Variants in PPP2R5C observed in about 807,000 individuals in gnomAD.
PPP2R5C encodes protein phosphatase 2 regulatory subunit B'gamma, also known as serine/threonine-protein phosphatase 2A 56 kDa regulatory subunit gamma isoform.
PPP2R5C carries 7 observed loss-of-function variants against 68.9 expected under a neutral mutation model. The observed-to-expected ratio is 0.10, with a 90% CI of 0.06 to 0.19. The LOEUF is 0.19. PPP2R5C is among the 10% of genes least tolerant of loss of function. The probability of loss-of-function intolerance (pLI) is 1.00; values close to 1 mark genes in which losing one functional copy is unlikely to be tolerated. For synonymous variants in PPP2R5C, 210 were observed against 222.2 expected (o/e 0.95, Z 0.49); for missense variants, 348 against 641.3 (o/e 0.54, Z 4.94).
At chr14:101,816,897 TA>T (rs571483735) in intron 1 of PPP2R5C, among the ~76,000 whole-genome samples, 121 of 127,144 alleles carry the variant, frequency 9.5e-4, no homozygotes, top group Non-Finnish European at 1.2e-3. Context: ...ATATATTATA[TA>T]AATATATATA....
chr14:101,881,560 C>T (rs1008934484), intron 2 of PPP2R5C, among the ~76,000 whole-genome samples: 2 of 152,214 alleles, frequency 1.3e-5, no homozygotes, highest in Non-Finnish European at 1.5e-5. Flanking sequence ...CATGCCTGGG[C>T]GCACAGCCAT....
chr14:101,794,046 G>C (rs2140105471), intron 3 of PPP2R5C, among the ~76,000 whole-genome samples: 1 of 152,266 alleles, frequency 6.6e-6, no homozygotes, highest in African/African-American at 2.4e-5. Context: ...GGAGGCACGG[G>C]GCAAGCCATG....
intron 3 of PPP2R5C, among the ~76,000 whole-genome samples, chr14:101,794,254 A>G (rs1001983877): frequency 2.0e-5 from 3 of 152,166 alleles, no homozygotes; most frequent in Non-Finnish European, 4.4e-5. Context: ...TCTGTCTTAC[A>G]CTGAAAATGT....
chr14:101,813,566 C>T (rs2039489974), intron 1 of PPP2R5C, among the ~76,000 whole-genome samples: 1 of 152,248 alleles, frequency 6.6e-6, no homozygotes, highest in Non-Finnish European at 1.5e-5. Flanking sequence ...GGTGGGCCCA[C>T]TTCCCACCCT....
Position 101,892,121 on chromosome 14 carries a change from A to G in PPP2R5C, c.690-879A>G, listed in dbSNP as rs138405810. Among the ~76,000 whole-genome samples the G allele has an allele frequency of 2.5e-3, 383 of 151,824 alleles. 4 individuals are homozygous for G. Among genetic ancestry groups the G allele is most frequent in the African/African-American group, 8.2e-3 (340 of 41,398 alleles). Reference sequence around the variant, plus strand: ...TAGGAGCCCGCCACCGCGCCTGGCTATTTTTTTGTATTTTTAGCAGAGATG... The same window carrying G: ...TAGGAGCCCGCCACCGCGCCTGGCTGTTTTTTTGTATTTTTAGCAGAGATG... On this transcript the variant is annotated intron_variant, in intron 6 of 13. Coordinates refer to ENST00000334743, the Ensembl canonical transcript of PPP2R5C.
chr14:101,906,320 C>T lies in PPP2R5C; in HGVS notation c.1024-82C>T, dbSNP rs1375664692. Reference sequence around the variant, plus strand: ...TTCTGGTCCAAGGTAGTTCATTACCCGACTCACAGGTTTAACAGCAAGGAC... The same window carrying T: ...TTCTGGTCCAAGGTAGTTCATTACCTGACTCACAGGTTTAACAGCAAGGAC... On this transcript the variant is annotated intron_variant, in intron 9 of 13. Coordinates refer to ENST00000334743, the Ensembl canonical transcript of PPP2R5C. The surrounding 1 kb of genome is among the most constrained non-coding windows in gnomAD (Gnocchi z 4.0). The T allele has an allele frequency of 4.9e-6, 7 of 1,420,802 alleles. No individual in the cohort carries two copies. In the African/African-American group the frequency reaches 5.8e-5, roughly 12 times the overall value. 88.0% of individuals were successfully genotyped at this position (1,420,802 alleles called of 1,614,324 possible). A position where few individuals can be genotyped will look rare whatever the true frequency, so the allele number is the denominator to read the frequency against.
intron 2 of PPP2R5C, among the ~76,000 whole-genome samples, chr14:101,870,247 G>T (rs983612664): frequency 6.6e-6 from 1 of 151,808 alleles, no homozygotes; most frequent in Non-Finnish European, 1.5e-5. Flanking sequence ...TTTATCAGTA[G>T]TGCTTTTGGT....
At chr14:101,833,945 G>A (rs954317979) in intron 1 of PPP2R5C, among the ~76,000 whole-genome samples, 1 of 152,090 alleles carries the variant, frequency 6.6e-6, no homozygotes, top group Admixed American at 6.6e-5. Flanking sequence ...GGGATTACAG[G>A]CACCCGCCAC....
rs550442367 is a variant in PPP2R5C, at chr14:101,911,315, A to C, written c.1254-1086A>C. 2.0e-5 allele frequency among the ~76,000 whole-genome samples: 3 copies of C among 152,254 alleles called. 1 individual carries two copies. The highest frequency in any genetic ancestry group is 6.8e-3 in the Middle Eastern group (2 of 294). ...CCCTTTTGGGGTTTATATTCTGGGT[A>C]GTGTGGGGAAATAAAAGAACACAAA... On this transcript the variant is annotated intron_variant, in intron 11 of 13. Transcript: ENST00000334743.
At chr14:101,822,048 TA>T (rs1249335856) in intron 1 of PPP2R5C, among the ~76,000 whole-genome samples, 1 of 151,646 alleles carries the variant, frequency 6.6e-6, no homozygotes, top group Non-Finnish European at 1.5e-5. Context: ...GAGGTCTTAT[TA>T]ATGTAGTGAC....
At chr14:101,837,403 T>C (rs2041180358) in intron 1 of PPP2R5C, among the ~76,000 whole-genome samples, 1 of 152,130 alleles carries the variant, frequency 6.6e-6, no homozygotes, top group African/African-American at 2.4e-5. Flanking sequence ...CACCTCAGCC[T>C]CCCAAAGTGC....
chr14:101,836,221 T>C, intron 1 of PPP2R5C: 1 of 702,924 alleles, frequency 1.4e-6, no homozygotes, highest in Non-Finnish European at 2.6e-6. Flanking sequence ...TGGAAGTCCC[T>C]GACCTTCAGC....
chr14:101,818,366 T>C (rs1293263359), intron 1 of PPP2R5C: 1 of 152,238 alleles, frequency 6.6e-6, no homozygotes, highest in East Asian at 1.9e-4. Context: ...ACAGGCGCAG[T>C]GCCTCACACC....
chr14:101,900,061 A>G (rs1035419944), intron 8 of PPP2R5C, among the ~76,000 whole-genome samples: 5 of 151,396 alleles, frequency 3.3e-5, no homozygotes, highest in African/African-American at 7.3e-5. Context: ...TAATTTTTAA[A>G]TTTTGTGTAG....
chr14:101,799,070 T>C (rs1267389132), intron 3 of PPP2R5C, among the ~76,000 whole-genome samples: 23 of 152,170 alleles, frequency 1.5e-4, no homozygotes, highest in Admixed American at 1.5e-3. Flanking sequence ...GTACATTTGA[T>C]GGAACACCTG....
Position 101,761,933 on chromosome 14 carries a change from C to T in PPP2R5C, c.27+13C>T. The T allele has an allele frequency of 8.4e-7, 1 of 1,189,610 alleles. No individual in the cohort carries two copies. The highest frequency in any genetic ancestry group is 3.7e-5 in the East Asian group (1 of 27,102). 73.7% of individuals were successfully genotyped at this position (1,189,610 alleles called of 1,614,324 possible). ...CAAGAAGGAGAAAGTGAGTCCGGGC[C>T]CGGCCGCGGGACGGAGGGAGCAGGG... On this transcript the variant is annotated intron_variant, in intron 1 of 14. Transcript: ENST00000328724.
upstream of PPP2R5C, chr14:101,761,781 G>GGGCGGCGGC (rs547036580): frequency 7.4e-5 from 72 of 970,276 alleles, no homozygotes; most frequent in South Asian, 1.7e-3. Flanking sequence ...CTCAGTCCCC[G>GGGCGGCGGC]GGCGGCGGCG....
chr14:101,831,649 G>A (rs910915885), intron 1 of PPP2R5C: 5 of 653,016 alleles, frequency 7.7e-6, no homozygotes, highest in African/African-American at 5.3e-5. Flanking sequence ...AACGTCACAA[G>A]TTTGAACTGC....
chr14:101,849,743 CCT>C (rs2042041455), intron 1 of PPP2R5C, among the ~76,000 whole-genome samples: 2 of 98,136 alleles, frequency 2.0e-5, no homozygotes, highest in Admixed American at 1.9e-4. Context: ...CTTTTTTGTC[CCT>C]GTGTACCTAG....
Sources: allele counts gnomAD v4.1 joint callset (sites outside exome capture counted in the v4.1 genomes callset), GRCh38; gene constraint gnomAD v4.1.1; non-coding constraint Gnocchi (gnomAD v3.1); transcripts MANE v1.5; gene names NCBI Gene and HGNC (gene_info 2026-07-23, HGNC 2026-07-21).